HDAC4: variants seen among roughly 807,000 people sequenced by gnomAD.
HDAC4 encodes the protein histone deacetylase A.
Under a neutral mutation model 135.1 loss-of-function variants are expected in HDAC4, and 16 were observed. The ratio of observed to expected loss-of-function variants is 0.12; its 90% CI spans 0.08 to 0.18. The LOEUF (loss-of-function observed/expected upper bound fraction) is 0.18, where lower values mean the gene tolerates loss of function less well. Ranked by LOEUF, HDAC4 falls within the 10% of genes least tolerant of loss-of-function variation. HDAC4 has a pLI of 1.00. For missense variants in HDAC4, 1,143 were observed against 1,511.8 expected (o/e 0.76, Z 4.05); for synonymous variants, 685 against 653.4 (o/e 1.05, Z -0.74).
In HDAC4 at chr2:239,351,270, A is replaced by C. The variant is rs561082223; in HGVS notation, c.22+1408T>G. 2.0e-5 allele frequency among the ~76,000 whole-genome samples: 3 copies of C among 152,360 alleles called. No individual in the cohort carries two copies. The South Asian group carries it at 6.2e-4, about 32-fold the overall frequency. On this transcript the variant is annotated intron_variant, in intron 2 of 26. Transcript: ENST00000543185. ...AATTGGTATAAACACTGCTACAACC[A>C]CATAAATATCCATTCGCAAGGTATC... is the stretch of plus-strand genomic sequence containing the variant.
chr2:239,345,852 TCAAACA>T (rs546359478), intron 2 of HDAC4, among the ~76,000 whole-genome samples: 81 of 123,316 alleles, frequency 6.6e-4, no homozygotes, highest in African/African-American at 2.5e-3. Context: ...ACACATGCAC[TCAAACA>T]CACACACCCT....
chr2:239,339,513 C>T (rs1056706027), intron 2 of HDAC4, among the ~76,000 whole-genome samples: 1 of 152,166 alleles, frequency 6.6e-6, no homozygotes, highest in Non-Finnish European at 1.5e-5. Flanking sequence ...GTGAGGAGCA[C>T]CAAAGCCATG....
At chr2:239,145,837 G>A (rs759492576) in intron 7 of HDAC4, among the ~76,000 whole-genome samples, 3 of 152,236 alleles carry the variant, frequency 2.0e-5, no homozygotes, top group African/African-American at 4.8e-5. Context: ...GTGGCTGGGC[G>A]ATGGGGACCA....
At position 239,103,177 on chromosome 2, in the gene HDAC4, C is replaced by T. The variant is rs185675533; in HGVS notation, c.2113-281G>A. ...CAATGCATTACCCTTCACTGTCGCA[C>T]GAATGACTTGGCATCAAATTATTAC... On this transcript the variant is annotated intron_variant, in intron 15 of 26. Coordinates refer to ENST00000543185, the MANE Select transcript of HDAC4 (RefSeq NM_001378414.1). Among the ~76,000 whole-genome samples the T allele has an allele frequency of 1.7e-3, 264 of 152,328 alleles. 1 individual carries two copies. Among genetic ancestry groups the T allele is most frequent in the Non-Finnish European group, 1.2e-3 (81 of 68,034 alleles).
intron 20 of HDAC4, among the ~76,000 whole-genome samples, chr2:239,082,711 C>T (rs923986573): frequency 6.6e-6 from 1 of 152,250 alleles, no homozygotes; most frequent in African/African-American, 2.4e-5. Flanking sequence ...GGAGACAAGT[C>T]CCAGGTGTCC....
Position 239,262,073 on chromosome 2 carries a change from G to A in HDAC4, c.23-25409C>T, listed in dbSNP as rs1263177462. Among the ~76,000 whole-genome samples the A allele has an allele frequency of 1.3e-5, 2 of 152,178 alleles. No homozygotes were observed. Among genetic ancestry groups the A allele is most frequent in the East Asian group, 3.9e-4 (2 of 5,192 alleles). ...GCATCTGCCCCCTTGTCGCTCCAAG[G>A]GAAAGCCCTGAGGGACCCTCCCAAC... is the stretch of plus-strand genomic sequence containing the variant. On this transcript the variant is annotated intron_variant, in intron 2 of 26. Transcript: ENST00000543185. The surrounding 1 kb of genome is among the most constrained non-coding windows in gnomAD (Gnocchi z 4.1).
intron 22 of HDAC4, among the ~76,000 whole-genome samples, chr2:239,072,372 C>T (rs2034286562): frequency 2.0e-5 from 3 of 152,238 alleles, no homozygotes; most frequent in Admixed American, 6.5e-5. Context: ...ACGATTCCCA[C>T]TTGTGCTGTG....
In HDAC4 at chr2:239,118,276, G is replaced by C. The variant is rs935302352; in HGVS notation, c.1534-2966C>G. Among the ~76,000 whole-genome samples, 7 of 152,326 alleles carry C rather than the reference G, an allele frequency of 4.6e-5. No homozygotes were observed. The East Asian group carries it at 1.2e-3, about 25-fold the overall frequency. Reference sequence around the variant, plus strand: ...GTAAAAGCCGAGTGAAGAAAACGCAGATCCATTGTTTATCTCTAAACCGAA... The same window carrying C: ...GTAAAAGCCGAGTGAAGAAAACGCACATCCATTGTTTATCTCTAAACCGAA... On this transcript the variant is annotated intron_variant, in intron 12 of 26. Transcript: ENST00000543185.
intron 2 of HDAC4, among the ~76,000 whole-genome samples, chr2:239,280,278 C>G (rs879648108): frequency 2.0e-5 from 3 of 152,180 alleles, no homozygotes; most frequent in Non-Finnish European, 2.9e-5. Context: ...GCCTCGTACT[C>G]CCGAGACGCT....
At chr2:239,272,225 G>C (rs1052185637) in intron 2 of HDAC4, among the ~76,000 whole-genome samples, 4 of 152,132 alleles carry the variant, frequency 2.6e-5, no homozygotes, top group African/African-American at 9.7e-5. Flanking sequence ...CCCCAAGAGG[G>C]GGCCCACATC....
chr2:239,192,512 G>A (rs547597029), intron 3 of HDAC4, among the ~76,000 whole-genome samples: 5 of 152,144 alleles, frequency 3.3e-5, no homozygotes, highest in Admixed American at 6.5e-5. Context: ...CAGCAAACTC[G>A]CAAACTCGGA....
In HDAC4 at chr2:239,053,510, C is replaced by T. The variant is rs114003127; in HGVS notation, c.3180G>A (p.Thr1060=). The stretch of plus-strand genomic sequence containing the variant: ...CGGACAGCGAGGCCATGGCGGTGAC[C>T]GTCTCGGCTTCTTCGTTCTCGCAAG... The part of the protein sequence containing the change: ...AQTCENEEAE[T]VTAMASLSVG... The change falls in exon 26 of 27, where the codon ACG becomes ACA. Residue 1060 remains threonine (T), a synonymous_variant. Coordinates refer to ENST00000543185, the MANE Select transcript of HDAC4 (RefSeq NM_001378414.1). The T allele has an allele frequency of 3.7e-4, 591 of 1,613,806 alleles. No individual in the cohort carries two copies. Among genetic ancestry groups the T allele is most frequent in the Non-Finnish European group, 4.4e-4 (523 of 1,179,962 alleles).
At chr2:239,193,171 G>A (rs1351311710) in intron 3 of HDAC4, among the ~76,000 whole-genome samples, 3 of 152,212 alleles carry the variant, frequency 2.0e-5, no homozygotes, top group Admixed American at 1.3e-4. Flanking sequence ...GTCACCCAAG[G>A]TCCCATGTAG....
Position 239,139,905 on chromosome 2 carries a change from C to A in HDAC4, c.866-109G>T, listed in dbSNP as rs936940536. On this transcript the variant is annotated intron_variant, in intron 8 of 26. Transcript: ENST00000543185. The surrounding 1 kb of genome is among the most constrained non-coding windows in gnomAD (Gnocchi z 5.3). ...TTCCACGGACCTGCTCGTTAGCTTG[C>A]GACAGGCAGAAGTCCCAACAAAAAG... is the stretch of plus-strand genomic sequence containing the variant. 20 of 789,160 alleles carry A rather than the reference C, an allele frequency of 2.5e-5. No individual in the cohort carries two copies. The Admixed American group carries it at 3.1e-4, about 12-fold the overall frequency. The allele number at this position is 789,160 out of a possible 1,614,324, so 48.9% of individuals were successfully genotyped here. A position where few individuals can be genotyped will look rare whatever the true frequency, so the allele number is the denominator to read the frequency against.
At chr2:239,323,193 G>T (rs2053369330) in intron 2 of HDAC4, among the ~76,000 whole-genome samples, 1 of 152,114 alleles carries the variant, frequency 6.6e-6, no homozygotes, top group Non-Finnish European at 1.5e-5. Context: ...ATATTACGGA[G>T]CTACAAAAAA....
chr2:239,362,534 C>T (rs2125971395), intron 1 of HDAC4, among the ~76,000 whole-genome samples: 1 of 152,320 alleles, frequency 6.6e-6, no homozygotes, highest in East Asian at 1.9e-4. Context: ...TTGTCCCTTA[C>T]CACACACCCT....
chr2:239,271,388 AGT>A (rs766790013), intron 2 of HDAC4, among the ~76,000 whole-genome samples: 11 of 152,178 alleles, frequency 7.2e-5, no homozygotes, highest in Admixed American at 3.3e-4. Context: ...GGTCTCCCAA[AGT>A]GTTGGGATTA....
chr2:239,260,083 C>A (rs1486891761), intron 2 of HDAC4, among the ~76,000 whole-genome samples: 1 of 152,250 alleles, frequency 6.6e-6, no homozygotes, highest in Non-Finnish European at 1.5e-5. Context: ...TGCCAGGCCG[C>A]CACCTCTATA....
chr2:239,178,898 G>A (rs1057004460), intron 4 of HDAC4, among the ~76,000 whole-genome samples: 1 of 152,240 alleles, frequency 6.6e-6, no homozygotes, highest in African/African-American at 2.4e-5. Flanking sequence ...GCCAGGGAAA[G>A]GATGAGCAAA....
Sources: gnomAD v4.1 joint callset for allele counts (sites outside exome capture counted in the v4.1 genomes callset) on GRCh38, gnomAD v4.1.1 for gene constraint, Gnocchi (gnomAD v3.1) non-coding constraint, MANE v1.5 for transcripts, NCBI Gene and HGNC (gene_info 2026-07-23, HGNC 2026-07-21) for gene names.